OTUD7A: variants seen among roughly 807,000 people sequenced by gnomAD.
The protein encoded by OTUD7A is OTU deubiquitinase 7A, also known as OTU domain-containing protein 7A.
In OTUD7A, 12 loss-of-function variants were observed where a neutral mutation model predicts 65.7. The ratio of observed to expected loss-of-function variants is 0.18; its 90% CI spans 0.12 to 0.30. The LOEUF (loss-of-function observed/expected upper bound fraction) is 0.30, where lower values mean the gene tolerates loss of function less well. Ranked by LOEUF, OTUD7A falls within the 10% of genes least tolerant of loss-of-function variation. OTUD7A has a pLI of 1.00. For missense variants in OTUD7A, 1,148 were observed against 1,304.8 expected, an observed-to-expected ratio of 0.88 and a Z score of 1.85; for synonymous variants, 641 against 586.3, an observed-to-expected ratio of 1.09 and a Z score of -1.35.
At chr15:31,831,757 A>C (rs1300313183) in intron 1 of OTUD7A, among the ~76,000 whole-genome samples, 1 of 152,258 alleles carries the variant, frequency 6.6e-6, no homozygotes, top group Non-Finnish European at 1.5e-5. Context: ...ACAGGAAAGT[A>C]GCCAAGCAAC....
chr15:31,492,231 G>A (rs948650601), intron 10 of OTUD7A, among the ~76,000 whole-genome samples: 4 of 152,218 alleles, frequency 2.6e-5, no homozygotes, highest in Non-Finnish European at 5.9e-5. Context: ...GTAATACACT[G>A]TTGTAATATC....
intron 1 of OTUD7A, among the ~76,000 whole-genome samples, chr15:31,862,814 A>G (rs1428621242): frequency 6.6e-6 from 1 of 152,166 alleles, no homozygotes; most frequent in Middle Eastern, 3.2e-3. Flanking sequence ...TGCCTTCCCA[A>G]CAGTCCCTGA....
chr15:31,621,338 C>T (rs1337258060), intron 3 of OTUD7A, among the ~76,000 whole-genome samples: 4 of 152,088 alleles, frequency 2.6e-5, no homozygotes, highest in East Asian at 1.9e-4. Flanking sequence ...CTTTCTGTTT[C>T]GTTGATCTGT....
chr15:31,615,968 A>C (rs980117099), intron 3 of OTUD7A, among the ~76,000 whole-genome samples: 5 of 152,214 alleles, frequency 3.3e-5, no homozygotes, highest in African/African-American at 1.2e-4. Context: ...CCTGCAAGGC[A>C]GTCATCAGAC....
intron 1 of OTUD7A, among the ~76,000 whole-genome samples, chr15:31,741,257 A>G (rs1894334886): frequency 6.6e-6 from 1 of 152,322 alleles, no homozygotes; most frequent in African/African-American, 2.4e-5. Flanking sequence ...ATTTGCTTCA[A>G]AATAATATAG....
At chr15:31,863,795 C>T (rs568645459) in intron 1 of OTUD7A, among the ~76,000 whole-genome samples, 1 of 152,344 alleles carries the variant, frequency 6.6e-6, no homozygotes, top group African/African-American at 2.4e-5. Context: ...TACTTATGCA[C>T]ATTTCTGAAG....
intron 10 of OTUD7A, among the ~76,000 whole-genome samples, chr15:31,489,430 C>T (rs899905548): frequency 2.0e-5 from 3 of 152,158 alleles, no homozygotes; most frequent in Admixed American, 6.5e-5. Context: ...GCTGTCCACC[C>T]GCTTCCCAGG....
intron 1 of OTUD7A, among the ~76,000 whole-genome samples, chr15:31,752,783 C>T (rs1403970445): frequency 3.9e-5 from 6 of 151,940 alleles, no homozygotes; most frequent in Non-Finnish European, 8.8e-5. Context: ...AACTGAGAGA[C>T]TTACCCTCAT....
At chr15:31,631,446 G>C (rs1595671134) in intron 3 of OTUD7A, among the ~76,000 whole-genome samples, 2 of 152,170 alleles carry the variant, frequency 1.3e-5, no homozygotes, top group East Asian at 3.8e-4. Context: ...TAGAGTTTCT[G>C]CCGTGAGATC....
chr15:31,612,924 A>G (rs1465933504), intron 3 of OTUD7A, among the ~76,000 whole-genome samples: 1 of 152,246 alleles, frequency 6.6e-6, no homozygotes, highest in Non-Finnish European at 1.5e-5. Flanking sequence ...CCAAAACAGC[A>G]TGGTACTGGT....
intron 1 of OTUD7A, among the ~76,000 whole-genome samples, chr15:31,758,837 C>CAA (rs200526564): frequency 6.6e-6 from 1 of 151,724 alleles, no homozygotes; most frequent in African/African-American, 2.4e-5. Flanking sequence ...ATTTACCATA[C>CAA]AAAAAAAACT....
chr15:31,860,369 T>C (rs1027472456), intron 1 of OTUD7A, among the ~76,000 whole-genome samples: 1 of 152,094 alleles, frequency 6.6e-6, no homozygotes, highest in African/African-American at 2.4e-5. Flanking sequence ...TTTGAACTCA[T>C]GGGAGCTAAG....
intron 3 of OTUD7A, among the ~76,000 whole-genome samples, chr15:31,630,663 ATCTG>A (rs1397472165): frequency 6.6e-6 from 1 of 152,188 alleles, no homozygotes; most frequent in East Asian, 1.9e-4. Context: ...TGTGTCGTTG[ATCTG>A]TCTAACATTG....
intron 1 of OTUD7A, among the ~76,000 whole-genome samples, chr15:31,781,401 C>T (rs1241604256): frequency 1.3e-5 from 2 of 152,204 alleles, no homozygotes; most frequent in African/African-American, 4.8e-5. Flanking sequence ...AGCCCAGCCC[C>T]AGTCTTCAAG....
intron 1 of OTUD7A, among the ~76,000 whole-genome samples, chr15:31,725,345 G>C (rs1209710700): frequency 6.6e-6 from 1 of 152,150 alleles, no homozygotes; most frequent in Non-Finnish European, 1.5e-5. Flanking sequence ...TTCTACTACT[G>C]CATGTTGTTG....
chr15:31,849,670 T>C (rs1897373504), intron 1 of OTUD7A, among the ~76,000 whole-genome samples: 1 of 152,206 alleles, frequency 6.6e-6, no homozygotes, highest in East Asian at 1.9e-4. Context: ...AAAAGGCTAA[T>C]ATTCAGAAGC....
At chr15:31,733,288 G>A (rs760444649) in intron 1 of OTUD7A, among the ~76,000 whole-genome samples, 5 of 152,194 alleles carry the variant, frequency 3.3e-5, no homozygotes, top group Middle Eastern at 3.2e-3. Context: ...CCTCCCCTGA[G>A]TTTGGTCAAC....
chr15:31,678,891 C>A (rs1231063044), intron 1 of OTUD7A, among the ~76,000 whole-genome samples: 1 of 152,206 alleles, frequency 6.6e-6, no homozygotes, highest in Admixed American at 6.5e-5. Context: ...CGTAGATCCA[C>A]CAACAGCTTG....
At chr15:31,746,627 G>A (rs932951666) in intron 1 of OTUD7A, among the ~76,000 whole-genome samples, 1 of 151,692 alleles carries the variant, frequency 6.6e-6, no homozygotes, top group South Asian at 2.1e-4. Context: ...CTCCTGAGTA[G>A]CTGGGATTAC....
Sources: gnomAD v4.1 joint callset for allele counts (sites outside exome capture counted in the v4.1 genomes callset) on GRCh38, gnomAD v4.1.1 for gene constraint, MANE v1.5 for transcripts, NCBI Gene and HGNC (gene_info 2026-07-23, HGNC 2026-07-21) for gene names.